TIAM1: variants seen among roughly 807,000 people sequenced by gnomAD.
TIAM1 encodes TIAM Rac1 associated GEF 1, also known as rho guanine nucleotide exchange factor TIAM1.
Under a neutral mutation model 163.5 loss-of-function variants are expected in TIAM1, and 65 were observed. That is an observed-to-expected ratio of 0.40 (90% confidence interval 0.33 to 0.49). The LOEUF is 0.49. Ranked by LOEUF, TIAM1 falls within the 20% of genes least tolerant of loss-of-function variation. The pLI is 0.77. For missense variants in TIAM1, 1,789 were observed against 2,044.7 expected (o/e 0.87, Z 2.41); for synonymous variants, 833 against 810.1 (o/e 1.03, Z -0.48).
chr21:31,515,675 G>A (rs957535751), intron 1 of TIAM1, among the ~76,000 whole-genome samples: 4 of 152,246 alleles, frequency 2.6e-5, no homozygotes, highest in Admixed American at 2.6e-4. Context: ...GACATGCAGC[G>A]CCAGCAACAC....
intron 2 of TIAM1, among the ~76,000 whole-genome samples, chr21:31,354,484 C>T (rs1001116393): frequency 2.0e-5 from 3 of 152,070 alleles, no homozygotes; most frequent in Non-Finnish European, 2.9e-5. Context: ...CCCCACCACA[C>T]GAAGAGGCAA....
intron 3 of TIAM1, among the ~76,000 whole-genome samples, chr21:31,270,511 G>A (rs2146834061): frequency 6.6e-6 from 1 of 152,236 alleles, no homozygotes. Context: ...TCATGTTTAG[G>A]GACTAGGTAG....
chr21:31,508,274 A>G (rs2047098036), intron 1 of TIAM1, among the ~76,000 whole-genome samples: 1 of 152,088 alleles, frequency 6.6e-6, no homozygotes, highest in South Asian at 2.1e-4. Flanking sequence ...GCACAGCCCT[A>G]GGAAACCCTA....
At chr21:31,140,862 C>T (rs68079655) in intron 22 of TIAM1, among the ~76,000 whole-genome samples, 18,310 of 152,092 alleles carry the variant, frequency 0.12, 1,297 homozygotes, top group African/African-American at 0.2. Context: ...ACACTTAACA[C>T]AGAATAAAGC....
At chr21:31,127,719 ACT>A (rs964056361) in intron 25 of TIAM1, among the ~76,000 whole-genome samples, 3 of 152,072 alleles carry the variant, frequency 2.0e-5, no homozygotes, top group Non-Finnish European at 2.9e-5. Flanking sequence ...CCCGGCCTGA[ACT>A]CACTCTTCCA....
At chr21:31,492,037 TTA>T (rs1212737555) in intron 1 of TIAM1, among the ~76,000 whole-genome samples, 2 of 144,926 alleles carry the variant, frequency 1.4e-5, no homozygotes, top group East Asian at 2.0e-4. Flanking sequence ...AAATAATTAC[TTA>T]TATATGTGTG....
intron 11 of TIAM1, among the ~76,000 whole-genome samples, chr21:31,206,175 T>C (rs1250776004): frequency 3.3e-5 from 5 of 152,176 alleles, no homozygotes; most frequent in Admixed American, 3.3e-4. Flanking sequence ...AAACAGGACA[T>C]TGGATCAAAA....
intron 2 of TIAM1, among the ~76,000 whole-genome samples, chr21:31,402,150 T>C (rs1267991336): frequency 1.3e-5 from 2 of 151,890 alleles, no homozygotes; most frequent in Non-Finnish European, 2.9e-5. Context: ...GAGGCGGAGA[T>C]TGCAGTGAGC....
intron 3 of TIAM1, among the ~76,000 whole-genome samples, chr21:31,271,246 A>G (rs1463061165): frequency 1.3e-5 from 2 of 152,122 alleles, no homozygotes; most frequent in Non-Finnish European, 2.9e-5. Flanking sequence ...CAAAAGAAAA[A>G]AAAAAATACT....
At chr21:31,557,861 C>T (rs930849883) in intron 1 of TIAM1, among the ~76,000 whole-genome samples, 5 of 152,118 alleles carry the variant, frequency 3.3e-5, no homozygotes, top group African/African-American at 1.2e-4. Context: ...GTGGCCGAGT[C>T]GGCGCCCCGA....
chr21:31,154,870 CTCATTAATTA>C (rs2083546972), intron 16 of TIAM1, among the ~76,000 whole-genome samples: 1 of 152,170 alleles, frequency 6.6e-6, no homozygotes, highest in South Asian at 2.1e-4. Context: ...AGGTACAAGC[CTCATTAATTA>C]TCAGACTCCC....
chr21:31,545,443 C>T (rs1490186737), intron 1 of TIAM1, among the ~76,000 whole-genome samples: 2 of 152,152 alleles, frequency 1.3e-5, no homozygotes, highest in East Asian at 1.9e-4. Context: ...AGGAAACTAA[C>T]AAAGACATGA....
chr21:31,164,389 CA>C (rs542696881), intron 16 of TIAM1, among the ~76,000 whole-genome samples: 15,369 of 94,880 alleles, frequency 0.16, 1,976 homozygotes, highest in African/African-American at 0.35. Context: ...GACTCCATCT[CA>C]AAAAAAAAAA....
intron 8 of TIAM1, among the ~76,000 whole-genome samples, chr21:31,219,891 T>C (rs562963701): frequency 2.0e-5 from 3 of 152,310 alleles, no homozygotes; most frequent in South Asian, 4.1e-4. Context: ...CCGTAAAATA[T>C]GTAAAAATTT....
chr21:31,471,985 T>C (rs1375439249), intron 1 of TIAM1, among the ~76,000 whole-genome samples: 2 of 152,156 alleles, frequency 1.3e-5, no homozygotes, highest in East Asian at 3.9e-4. Context: ...ATGATCTCCA[T>C]CTCCCATGCT....
chr21:31,386,470 C>T (rs574845430), intron 2 of TIAM1, among the ~76,000 whole-genome samples: 9 of 152,272 alleles, frequency 5.9e-5, no homozygotes, highest in South Asian at 4.1e-4. Flanking sequence ...AATGCAACCA[C>T]GTGCAAAGGT....
chr21:31,292,756 C>A (rs1449757416), intron 2 of TIAM1, among the ~76,000 whole-genome samples: 1 of 151,794 alleles, frequency 6.6e-6, no homozygotes, highest in Admixed American at 6.6e-5. Context: ...GCAACCTCCA[C>A]CTCCTGGGTT....
intron 2 of TIAM1, among the ~76,000 whole-genome samples, chr21:31,353,560 A>G (rs959893644): frequency 1.2e-4 from 18 of 152,160 alleles, no homozygotes; most frequent in African/African-American, 4.3e-4. Flanking sequence ...TGCTCATTCA[A>G]TTTTCTACCT....
At chr21:31,192,803 C>T (rs910164709) in intron 13 of TIAM1, among the ~76,000 whole-genome samples, 2 of 152,128 alleles carry the variant, frequency 1.3e-5, no homozygotes, top group Admixed American at 6.5e-5. Context: ...AGTGGGACAA[C>T]ACCTGCTTTC....
Sources: gnomAD v4.1 joint callset for allele counts (sites outside exome capture counted in the v4.1 genomes callset) on GRCh38, gnomAD v4.1.1 for gene constraint, MANE v1.5 for transcripts, NCBI Gene and HGNC (gene_info 2026-07-23, HGNC 2026-07-21) for gene names.